The following ANKRD30B variants were observed in gnomAD, a reference collection of about 807,000 sequenced individuals.
ANKRD30B encodes ankyrin repeat domain 30B, also known as ankyrin repeat domain-containing protein 30B.
In ANKRD30B, 144 loss-of-function variants were observed where a neutral mutation model predicts 202.2. The ratio of observed to expected loss-of-function variants is 0.71; its 90% CI spans 0.62 to 0.82. ANKRD30B has a LOEUF of 0.82. Ranked by LOEUF, ANKRD30B falls within the 40% of genes least tolerant of loss-of-function variation. The pLI, the probability that ANKRD30B is intolerant of heterozygous loss-of-function variation, is 0.00. For synonymous variants in ANKRD30B, 508 were observed against 561.3 expected, an observed-to-expected ratio of 0.91 and a Z score of 1.34; for missense variants, 1,487 against 1,669.1, an observed-to-expected ratio of 0.89 and a Z score of 1.90.
intron 6 of ANKRD30B, among the ~76,000 whole-genome samples, chr18:14,762,577 G>A (rs1915424186): frequency 6.6e-6 from 1 of 151,772 alleles, no homozygotes; most frequent in Non-Finnish European, 1.5e-5. Context: ...TTAGAGCAAG[G>A]TATGTTGTTC....
At chr18:14,932,255 G>T in the ANKRD30B span, among the ~76,000 whole-genome samples, 1 of 151,714 alleles carries the variant, frequency 6.6e-6, no homozygotes, top group Non-Finnish European at 1.5e-5. Flanking sequence ...GCTCCTGAAG[G>T]CTGTGGCAGT....
intron 7 of ANKRD30B, among the ~76,000 whole-genome samples, chr18:14,767,698 A>G (rs1332985544): frequency 8.4e-6 from 1 of 119,226 alleles, no homozygotes; most frequent in Non-Finnish European, 1.8e-5. Flanking sequence ...GGACTCAGAA[A>G]CAGACCATTT....
chr18:14,880,773 T>C, the ANKRD30B span, among the ~76,000 whole-genome samples: 2 of 152,148 alleles, frequency 1.3e-5, no homozygotes, highest in African/African-American at 4.8e-5. Flanking sequence ...ATTTTCACTG[T>C]AGAGGTCTTT....
At chr18:14,791,190 T>C (rs1968477764) in intron 15 of ANKRD30B, among the ~76,000 whole-genome samples, 1 of 152,212 alleles carries the variant, frequency 6.6e-6, no homozygotes, top group Non-Finnish European at 1.5e-5. Context: ...GAGGTGTTTA[T>C]AGTATTCTCT....
chr18:14,853,457 C>T (rs1039877100), intron 42 of ANKRD30B, among the ~76,000 whole-genome samples: 1 of 151,256 alleles, frequency 6.6e-6, no homozygotes, highest in African/African-American at 2.4e-5. Flanking sequence ...ATGTGAGGAA[C>T]TTTGATGTTG....
chr18:14,758,799 G>A (rs922233616), intron 5 of ANKRD30B, among the ~76,000 whole-genome samples: 5 of 152,222 alleles, frequency 3.3e-5, no homozygotes, highest in Middle Eastern at 3.4e-3. Context: ...AAGACTGTAC[G>A]ACAGGTTGAA....
chr18:14,852,483 G>A (rs1466425353), intron 42 of ANKRD30B, 63 bp downstream of exon 42: 2 of 1,478,448 alleles, frequency 1.4e-6, no homozygotes, highest in East Asian at 2.5e-5. Flanking sequence ...TTGGCTAAAT[G>A]CTGAATCTAG....
rs45464891 is a variant in ANKRD30B, at chr18:14,810,118, T to G, written c.2426T>G (p.Val809Gly). ...DKDGLLKPTC[V>G]RKVSLPNKAL... is the part of the protein sequence containing the mutation. Reference sequence around the variant, plus strand: ...TCCAAACCCATTTAGCCTACCTGTGTAAGGAAAGTTTCTCTTCCAAATAAA... The same window carrying G: ...TCCAAACCCATTTAGCCTACCTGTGGAAGGAAAGTTTCTCTTCCAAATAAA... The change falls in exon 28 of 44, where the codon GTA becomes GGA. Residue 809 changes from valine to glycine, a missense_variant. Physicochemically the swap from Val to Gly is moderately radical, Grantham distance 109 (BLOSUM62 -3). Around this residue, in one of 6 missense-constraint regions of ANKRD30B, gnomAD observed 218 missense variants for 320.1 expected, o/e 0.68. Transcript: ENST00000690538. 0.021 allele frequency: 31,694 copies of G among 1,483,220 alleles called. 972 individuals are homozygous for G. Among genetic ancestry groups the G allele is most frequent in the Middle Eastern group, 0.024 (101 of 4,218 alleles). 91.9% of individuals were successfully genotyped at this position (1,483,220 alleles called of 1,614,324 possible).
intron 34 of ANKRD30B, among the ~76,000 whole-genome samples, chr18:14,832,420 T>C (rs1970992974): frequency 1.3e-5 from 2 of 152,216 alleles, no homozygotes; most frequent in Non-Finnish European, 2.9e-5. Context: ...AGTTTTTAAA[T>C]TGCAGTTTTT....
the ANKRD30B span, among the ~76,000 whole-genome samples, chr18:14,868,608 C>T: frequency 6.6e-6 from 1 of 152,238 alleles, no homozygotes; most frequent in African/African-American, 2.4e-5. Context: ...TGGCAGGTCC[C>T]CTGCCTCTGG....
the ANKRD30B span, among the ~76,000 whole-genome samples, chr18:14,879,457 G>A: frequency 2.6e-5 from 4 of 151,986 alleles, no homozygotes; most frequent in African/African-American, 7.3e-5. Context: ...TATAAGATCC[G>A]CAATCCCCTC....
At chr18:14,781,473 T>G (rs1336823358) in intron 11 of ANKRD30B, among the ~76,000 whole-genome samples, 1 of 67,018 alleles carries the variant, frequency 1.5e-5, no homozygotes, top group Non-Finnish European at 3.5e-5. Context: ...TTTTTTGCAT[T>G]TTTTTAGTAG....
the ANKRD30B span, among the ~76,000 whole-genome samples, chr18:14,914,618 T>A: frequency 6.6e-6 from 1 of 152,204 alleles, no homozygotes; most frequent in Non-Finnish European, 1.5e-5. Flanking sequence ...GATTGTTTAA[T>A]AAGAACTTCA....
At chr18:14,830,921 G>T (rs866299504) in intron 33 of ANKRD30B, among the ~76,000 whole-genome samples, 2 of 151,764 alleles carry the variant, frequency 1.3e-5, no homozygotes, top group African/African-American at 4.8e-5. Context: ...GGTGGCTCAC[G>T]CCTGTAATCC....
At chr18:14,879,049 C>G in the ANKRD30B span, among the ~76,000 whole-genome samples, 1 of 152,118 alleles carries the variant, frequency 6.6e-6, no homozygotes, top group African/African-American at 2.4e-5. Flanking sequence ...GAGGGTGCAG[C>G]TGCGTTCTGC....
the ANKRD30B span, among the ~76,000 whole-genome samples, chr18:14,907,739 T>C: frequency 0.012 from 1,823 of 152,292 alleles, 24 homozygotes; most frequent in African/African-American, 0.042. Flanking sequence ...CCAAGCGTCC[T>C]GGCAGGATTC....
chr18:14,924,387 T>C, the ANKRD30B span, among the ~76,000 whole-genome samples: 1 of 152,248 alleles, frequency 6.6e-6, no homozygotes, highest in Non-Finnish European at 1.5e-5. Flanking sequence ...GATTCACTTA[T>C]GGGGCATTTT....
At chr18:14,878,437 C>T in the ANKRD30B span, among the ~76,000 whole-genome samples, 47 of 151,960 alleles carry the variant, frequency 3.1e-4, no homozygotes, top group Non-Finnish European at 8.8e-5. Context: ...CTATTAGATA[C>T]GGTCTTTGCC....
At chr18:14,861,430 T>G in the ANKRD30B span, among the ~76,000 whole-genome samples, 1 of 151,342 alleles carries the variant, frequency 6.6e-6, no homozygotes, top group East Asian at 1.9e-4. Context: ...GGAAAAATAT[T>G]CATCACATAA....
Sources: gnomAD v4.1 joint callset for allele counts (sites outside exome capture counted in the v4.1 genomes callset) on GRCh38, gnomAD v4.1.1 for gene constraint, gnomAD v4.1.1 regional missense constraint, MANE v1.5 for transcripts, NCBI Gene and HGNC (gene_info 2026-07-23, HGNC 2026-07-21) for gene names.